The following FAM78B variants were observed in gnomAD, a reference collection of about 807,000 sequenced individuals.
FAM78B encodes the protein family with sequence similarity 78 member B, also known as protein FAM78B.
A neutral mutation model predicts 20.0 loss-of-function variants in FAM78B; 10 were observed. The observed-to-expected ratio is 0.50, with a 90% CI of 0.31 to 0.85. The LOEUF is 0.85. Ranked by LOEUF, FAM78B falls within the 40% of genes least tolerant of loss-of-function variation. FAM78B has a pLI of 0.05. For synonymous variants in FAM78B, 135 were observed against 132.8 expected (o/e 1.02, Z -0.12); for missense variants, 283 against 345.0 (o/e 0.82, Z 1.42).
intron 1 of FAM78B, among the ~76,000 whole-genome samples, chr1:166,080,303 T>C (rs4233411): frequency 0.51 from 76,882 of 151,964 alleles, 19,933 homozygotes; most frequent in Non-Finnish European, 0.57. Flanking sequence ...CTCCCCGTAA[T>C]GCCTTCTCTT....
intron 1 of FAM78B, among the ~76,000 whole-genome samples, chr1:166,155,793 G>C (rs1201670198): frequency 6.6e-6 from 1 of 152,158 alleles, no homozygotes; most frequent in Non-Finnish European, 1.5e-5. Flanking sequence ...GTGGTCTCGG[G>C]AGAGGGAATA....
chr1:166,150,105 A>C (rs1204720436), intron 1 of FAM78B, among the ~76,000 whole-genome samples: 3 of 152,148 alleles, frequency 2.0e-5, no homozygotes, highest in African/African-American at 7.2e-5. Flanking sequence ...GCTGTGCCTC[A>C]GGGGGGGTTT....
intron 1 of FAM78B, among the ~76,000 whole-genome samples, chr1:166,077,545 A>G (rs2101717323): frequency 6.7e-6 from 1 of 148,650 alleles, no homozygotes; most frequent in East Asian, 1.9e-4. Context: ...TGTAAACTAC[A>G]GCACACAATG....
chr1:166,077,116 A>C (rs1284281572), intron 1 of FAM78B, among the ~76,000 whole-genome samples: 1 of 152,208 alleles, frequency 6.6e-6, no homozygotes, highest in African/African-American at 2.4e-5. Flanking sequence ...TCAAGACAGC[A>C]GTAAAGATAT....
chr1:166,093,549 G>C (rs1426756816), intron 1 of FAM78B, among the ~76,000 whole-genome samples: 2 of 152,190 alleles, frequency 1.3e-5, no homozygotes, highest in African/African-American at 2.4e-5. Context: ...CCAGGGGCTT[G>C]CCTTCTTTTA....
At chr1:166,076,762 G>A in intron 1 of FAM78B, among the ~76,000 whole-genome samples, 1 of 152,220 alleles carries the variant, frequency 6.6e-6, no homozygotes, top group East Asian at 1.9e-4. Context: ...TGAAAGATGA[G>A]TGGAGACCAT....
At position 166,070,665 on chromosome 1, in the gene FAM78B, G is replaced by T; in HGVS notation, c.362C>A (p.Thr121Asn). ...SYPWYGNTTE[T>N]VTLVGPTNKI... is the part of the protein sequence containing the mutation. ...GTTGGTGGGGCCAACCAGGGTCACA[G>T]TTTCTGTGGTGTTCCCGTACCAAGG... The change falls in exon 2 of 2, where the codon ACT (threonine) becomes AAT (asparagine). Residue 121 changes from threonine (T) to asparagine (N), a missense_variant. By Grantham distance (65) the Thr-to-Asn change is moderately conservative. Coordinates refer to ENST00000354422, the MANE Select transcript of FAM78B (RefSeq NM_001017961.5). 1 of 1,613,784 alleles carries T rather than the reference G, an allele frequency of 6.2e-7. No homozygotes were observed.
chr1:166,138,338 GT>G (rs1655149885), intron 1 of FAM78B, among the ~76,000 whole-genome samples: 1 of 151,900 alleles, frequency 6.6e-6, no homozygotes, highest in South Asian at 2.1e-4. Context: ...CACCCCCTGT[GT>G]TTCTCTTTCT....
Position 166,166,230 on chromosome 1 carries a change from T to C in FAM78B, c.19A>G (p.Ile7Val). MGCIQS[I>V]TCKARIRREN... ...CGCCGGATCCGCGCCTTGCAGGTGA[T>C]GCTTTGGATACAGCCCATCCTGCAG... The change falls in exon 1 of 2, where the codon ATC becomes GTC. Residue 7 changes from isoleucine (I) to valine (V), a missense_variant. Physicochemically the swap from Ile to Val is conservative, Grantham distance 29. Coordinates refer to ENST00000354422, the MANE Select transcript of FAM78B (RefSeq NM_001017961.5). 2 of 1,534,246 alleles carry C rather than the reference T, an allele frequency of 1.3e-6. No individual in the cohort carries two copies. Among genetic ancestry groups the C allele is most frequent in the African/African-American group, 1.4e-5 (1 of 73,534 alleles).
intron 1 of FAM78B, among the ~76,000 whole-genome samples, chr1:166,140,209 T>A (rs2101787967): frequency 6.6e-6 from 1 of 152,296 alleles, no homozygotes; most frequent in Middle Eastern, 3.4e-3. Context: ...AGGCTACACA[T>A]TCACTCTTTC....
At chr1:166,112,647 T>C (rs1654100923) in intron 1 of FAM78B, among the ~76,000 whole-genome samples, 1 of 152,204 alleles carries the variant, frequency 6.6e-6, no homozygotes, top group Admixed American at 6.5e-5. Context: ...ATGCTGGTGC[T>C]CCATCACTCC....
intron 1 of FAM78B, among the ~76,000 whole-genome samples, chr1:166,150,974 A>G (rs2101797853): frequency 6.6e-6 from 1 of 152,164 alleles, no homozygotes; most frequent in East Asian, 1.9e-4. Context: ...TAAATCAGAA[A>G]TGTTTAGAAG....
downstream of FAM78B, among the ~76,000 whole-genome samples, chr1:166,067,370 A>T (rs1404331386): frequency 6.6e-6 from 1 of 152,066 alleles, no homozygotes; most frequent in East Asian, 1.9e-4. Context: ...TTCCTACGTA[A>T]TTCAAAACTC....
At chr1:166,096,589 A>G (rs4657515) in intron 1 of FAM78B, among the ~76,000 whole-genome samples, 150,780 of 152,332 alleles carry the variant, frequency 0.99, 74,633 homozygotes, top group Middle Eastern at 1. Flanking sequence ...GAGTCACTTG[A>G]CTGCTTTGTG....
rs201957585 is a variant in FAM78B at position 166,109,814 on chromosome 1, GTATA to G, written c.264-39055_264-39052del. 9.2e-5 allele frequency among the ~76,000 whole-genome samples: 3 copies of G among 32,644 alleles called. 1 individual carries two copies. Among genetic ancestry groups the G allele is most frequent in the East Asian group, 8.0e-4 (1 of 1,246 alleles). The allele number at this position is 32,644 out of a possible 152,430, so 21.4% of individuals were successfully genotyped here. ...GAAACTGTGATATATATGTATATAT[GTATA>G]TATATATATATATGTATATATGTAT... On this transcript the variant is annotated intron_variant, in intron 1 of 1. Coordinates refer to ENST00000354422, the MANE Select transcript of FAM78B (RefSeq NM_001017961.5).
Position 166,070,468 on chromosome 1 carries a change from G to C in FAM78B, c.559C>G (p.Gln187Glu). ...NTTTKEKIIL[Q>E]TIKWRMRVDI... is the part of the protein sequence containing the mutation. ...ACCCTCATCCTCCACTTGATGGTCT[G>C]CAGAATGATCTTCTCCTTTGTGGTG... The change falls in exon 2 of 2, where the codon CAG (glutamine) becomes GAG (glutamate). Residue 187 changes from glutamine (Q) to glutamate (E), a missense_variant. Coordinates refer to ENST00000354422, the MANE Select transcript of FAM78B (RefSeq NM_001017961.5). 1 of 1,614,202 alleles carries C rather than the reference G, an allele frequency of 6.2e-7. No homozygotes were observed. Among genetic ancestry groups the C allele is most frequent in the Non-Finnish European group, 8.5e-7 (1 of 1,180,032 alleles).
At chr1:166,144,535 G>C (rs985319467) in intron 1 of FAM78B, among the ~76,000 whole-genome samples, 4 of 152,136 alleles carry the variant, frequency 2.6e-5, no homozygotes, top group African/African-American at 9.7e-5. Context: ...CAGGGATGGG[G>C]AGAAAGAGGT....
In FAM78B at chr1:166,166,047, C is replaced by G; in HGVS notation, c.202G>C (p.Val68Leu). The G allele has an allele frequency of 1.2e-6, 2 of 1,613,956 alleles. No individual in the cohort carries two copies. Among genetic ancestry groups the G allele is most frequent in the Non-Finnish European group, 1.7e-6 (2 of 1,179,996 alleles). Residue 68 changes from valine (V) to leucine (L), a missense_variant, in exon 1 of 2, where the codon GTG (valine) becomes CTG (leucine). Transcript: ENST00000354422. ...PPIPRHETWV[V>L]GWIQACNQME... ...TGATTGCACGCCTGAATCCAGCCCA[C>G]CACCCAGGTCTCGTGGCGGGGGATG...
At chr1:166,125,815 T>A (rs150336700) in intron 1 of FAM78B, among the ~76,000 whole-genome samples, 1 of 151,520 alleles carries the variant, frequency 6.6e-6, no homozygotes, top group African/African-American at 2.4e-5. Context: ...TCTGTTATTA[T>A]TGTATTGCTA....
Sources: allele counts gnomAD v4.1 joint callset (sites outside exome capture counted in the v4.1 genomes callset), GRCh38; gene constraint gnomAD v4.1.1; transcripts MANE v1.5; gene names NCBI Gene and HGNC (gene_info 2026-07-23, HGNC 2026-07-21).